WASHC4: variants seen among roughly 807,000 people sequenced by gnomAD.
WASHC4 encodes WASH complex subunit 7.
Under a neutral mutation model 166.6 loss-of-function variants are expected in WASHC4, and 86 were observed. That is an observed-to-expected ratio of 0.52 (90% CI 0.43 to 0.62). WASHC4 has a LOEUF of 0.62. WASHC4 is among the 20% of genes least tolerant of loss of function. The pLI is 0.00. For synonymous variants in WASHC4, 446 were observed against 451.6 expected (o/e 0.99, Z 0.16); for missense variants, 1,262 against 1,382.4 (o/e 0.91, Z 1.38).
In WASHC4 at chr12:105,126,981, T is replaced by C. The variant is rs568315003; in HGVS notation, c.1039-148T>C. On this transcript the variant is annotated intron_variant, in intron 12 of 32. Coordinates refer to ENST00000332180, the MANE Select transcript of WASHC4 (RefSeq NM_015275.3). ...GCCTTAACTCTGCCACAGTGAAAGA[T>C]ATTTGTCTCATAATATATTAATAAG... The C allele has an allele frequency of 1.6e-4, 110 of 682,580 alleles. No individual in the cohort carries two copies. The South Asian group carries it at 2.0e-3, about 12-fold the overall frequency. 42.3% of individuals were successfully genotyped at this position (682,580 alleles called of 1,614,324 possible).
chr12:105,166,593 T>A (rs1389865848), intron 32 of WASHC4, among the ~76,000 whole-genome samples: 1 of 152,124 alleles, frequency 6.6e-6, no homozygotes, highest in Non-Finnish European at 1.5e-5. Context: ...GGAGCCCATG[T>A]GGTTTGAAGC....
intron 22 of WASHC4, among the ~76,000 whole-genome samples, chr12:105,145,601 G>T (rs2135804135): frequency 6.6e-6 from 1 of 151,968 alleles, no homozygotes; most frequent in Middle Eastern, 3.4e-3. Flanking sequence ...GAACATGCTA[G>T]GCACTGAACT....
At chr12:105,127,556 T>A (rs1034226017) in intron 13 of WASHC4, among the ~76,000 whole-genome samples, 1 of 152,182 alleles carries the variant, frequency 6.6e-6, no homozygotes, top group African/African-American at 2.4e-5. Context: ...GTTAAATATT[T>A]TTTGTCCAAA....
At position 105,144,283 on chromosome 12, in the gene WASHC4, A is replaced by G; in HGVS notation, c.2011-4A>G. On this transcript the variant is annotated splice_polypyrimidine_tract_variant and splice_region_variant and intron_variant, in intron 20 of 32. Coordinates refer to ENST00000332180, the MANE Select transcript of WASHC4 (RefSeq NM_015275.3). ...AATTAAAGTATCAAATCTTTTGTGA[A>G]TAGCATTTGCTGGACAAATTATGCA... is the stretch of plus-strand genomic sequence containing the variant. 1 of 1,610,090 alleles carries G rather than the reference A, an allele frequency of 6.2e-7. No homozygotes were observed. The highest frequency in any genetic ancestry group is 8.5e-7 in the Non-Finnish European group (1 of 1,177,088).
At chr12:105,126,990 CATAAT>C (rs1881347121) in intron 12 of WASHC4, 134 bp from the exon 13 acceptor site, 1 of 715,824 alleles carries the variant, frequency 1.4e-6, no homozygotes, top group African/African-American at 1.8e-5. Context: ...ATATTTGTCT[CATAAT>C]ATATTAATAA....
At position 105,108,709 on chromosome 12, in the gene WASHC4, C is replaced by A. The variant is rs1023977044; in HGVS notation, c.61+848C>A. Among the ~76,000 whole-genome samples, 5 of 152,064 alleles carry A rather than the reference C, an allele frequency of 3.3e-5. No individual in the cohort carries two copies. The South Asian group carries it at 6.2e-4, about 19-fold the overall frequency. On this transcript the variant is annotated intron_variant, in intron 1 of 32. Coordinates refer to ENST00000332180, the MANE Select transcript of WASHC4 (RefSeq NM_015275.3). ...GGTCATAGTAATCTGTGTAAGTGAT[C>A]TAAGAGAGATTGGAGCATGCTGTTT...
intron 9 of WASHC4, 132 bp from the exon 10 acceptor site, chr12:105,121,986 G>C (rs1287827126): frequency 1.6e-6 from 1 of 643,332 alleles, no homozygotes; most frequent in African/African-American, 1.8e-5. Flanking sequence ...GGATTGTTGT[G>C]TTCAAATTTT....
intron 12 of WASHC4, 128 bp downstream of exon 12, chr12:105,126,490 A>G (rs1881296330): frequency 1.4e-6 from 1 of 726,006 alleles, no homozygotes; most frequent in African/African-American, 1.8e-5. Context: ...GTAAAATTCA[A>G]GTATTCCAGA....
intron 10 of WASHC4, 37 bp downstream of exon 10, chr12:105,122,275 C>T: frequency 1.9e-6 from 3 of 1,600,424 alleles, no homozygotes; most frequent in Non-Finnish European, 2.6e-6. Context: ...CAGTGGGGCT[C>T]ATATTAGACG....
intron 28 of WASHC4, among the ~76,000 whole-genome samples, chr12:105,159,065 C>T (rs1884338567): frequency 6.6e-6 from 1 of 152,120 alleles, no homozygotes; most frequent in South Asian, 2.1e-4. Context: ...TTACATAAGC[C>T]ATTTACAAAG....
At chr12:105,134,043 A>C (rs1882096118) in intron 14 of WASHC4, 147 bp downstream of exon 14, 1 of 699,284 alleles carries the variant, frequency 1.4e-6, no homozygotes, top group African/African-American at 1.8e-5. Context: ...GTGACTTATT[A>C]ATTTAAATTT....
In WASHC4 at chr12:105,141,000, A is replaced by G. The variant is rs750570806; in HGVS notation, c.1662A>G (p.Gln554=). ...ENTLNGPSTK[Q]RRLIVSLALS... Reference sequence around the variant, plus strand: ...CTCTAAATGGACCAAGCACAAAGCAACGGCGACTTATTGTTTCTTTGGCAC... The same window carrying G: ...CTCTAAATGGACCAAGCACAAAGCAGCGGCGACTTATTGTTTCTTTGGCAC... The change falls in exon 17 of 33, where the codon CAA becomes CAG. Residue 554 remains glutamine, a synonymous_variant. Coordinates refer to ENST00000332180, the MANE Select transcript of WASHC4 (RefSeq NM_015275.3). 10 of 1,614,192 alleles carry G rather than the reference A, an allele frequency of 6.2e-6. No individual in the cohort carries two copies. The highest frequency in any genetic ancestry group is 8.5e-6 in the Non-Finnish European group (10 of 1,180,020).
chr12:105,146,038 G>A lies in WASHC4; in HGVS notation c.2335-414G>A, dbSNP rs182709920. 4.9e-4 allele frequency among the ~76,000 whole-genome samples: 74 copies of A among 152,140 alleles called. 1 individual carries two copies. The highest frequency in any genetic ancestry group is 8.5e-4 in the Admixed American group (13 of 15,278). Reference sequence around the variant, plus strand: ...CTCATATTTTAGAATTACATATAAGGAACCTTGCAAAGTACCTGAAAAATA... The same window carrying A: ...CTCATATTTTAGAATTACATATAAGAAACCTTGCAAAGTACCTGAAAAATA... On this transcript the variant is annotated intron_variant, in intron 22 of 32. Transcript: ENST00000332180.
chr12:105,118,474 A>C lies in WASHC4; in HGVS notation c.464A>C (p.Tyr155Ser), dbSNP rs199754065. The stretch of plus-strand genomic sequence containing the variant: ...CTGTCTTGCTTTGTTACGAGGTGCT[A>C]TGAAGTGGTGATGAACGTAGTCCAC... Reference protein sequence around the residue: ...QELSCFVTRCYEVVMNVVHQL... With the variant: ...QELSCFVTRCSEVVMNVVHQL... Residue 155 changes from tyrosine to serine, a missense_variant, in exon 7 of 33, where the codon TAT becomes TCT. Coordinates refer to ENST00000332180, the MANE Select transcript of WASHC4 (RefSeq NM_015275.3). The C allele has an allele frequency of 1.2e-6, 2 of 1,613,508 alleles. No individual in the cohort carries two copies. The highest frequency in any genetic ancestry group is 8.5e-7 in the Non-Finnish European group (1 of 1,179,392).
rs1041357482 is a variant in WASHC4, at chr12:105,156,788, A to G, written c.2821A>G (p.Ile941Val). ...TGGTCTTCATTGTAGCAGCAATGCC[A>G]TTAGGTATGGATGCAAACATCATTT... The part of the protein sequence containing the change: ...SGGLHCSSNA[I>V]RFVPDLEDIV... The change falls in exon 27 of 33, where the codon ATT (isoleucine) becomes GTT (valine). Residue 941 changes from isoleucine to valine, a missense_variant. By Grantham distance (29) the Ile-to-Val change is conservative (BLOSUM62 3). Coordinates refer to ENST00000332180, the MANE Select transcript of WASHC4 (RefSeq NM_015275.3). 2.5e-6 allele frequency: 4 copies of G among 1,609,638 alleles called. No individual in the cohort carries two copies. The highest frequency in any genetic ancestry group is 3.3e-5 in the Admixed American group (2 of 59,970).
chr12:105,121,342 A>G, intron 9 of WASHC4, 138 bp downstream of exon 9: 1 of 660,106 alleles, frequency 1.5e-6, no homozygotes, highest in Non-Finnish European at 2.7e-6. Flanking sequence ...CATATCAAAT[A>G]TTTTTATGAC....
intron 28 of WASHC4, among the ~76,000 whole-genome samples, chr12:105,158,461 T>A (rs1884305003): frequency 6.6e-6 from 1 of 152,188 alleles, no homozygotes; most frequent in Non-Finnish European, 1.5e-5. Context: ...TTGCCAGAAA[T>A]GTTTATCCTG....
intron 14 of WASHC4, among the ~76,000 whole-genome samples, chr12:105,134,722 T>C (rs1204526761): frequency 6.6e-6 from 1 of 151,984 alleles, no homozygotes; most frequent in Non-Finnish European, 1.5e-5. Context: ...CTCCTTATAG[T>C]TAATGTGTGT....
intron 7 of WASHC4, among the ~76,000 whole-genome samples, chr12:105,119,806 G>C (rs1880555367): frequency 6.6e-6 from 1 of 152,182 alleles, no homozygotes; most frequent in South Asian, 2.1e-4. Flanking sequence ...AAAACTTGTT[G>C]AGCAAAATGA....
Sources: gnomAD v4.1 joint callset for allele counts (sites outside exome capture counted in the v4.1 genomes callset) on GRCh38, gnomAD v4.1.1 for gene constraint, MANE v1.5 for transcripts, NCBI Gene and HGNC (gene_info 2026-07-23, HGNC 2026-07-21) for gene names.